STARD9: variants seen among roughly 807,000 people sequenced by gnomAD.
The protein encoded by STARD9 is StAR related lipid transfer domain containing 9.
A neutral mutation model predicts 399.8 loss-of-function variants in STARD9; 346 were observed. The ratio of observed to expected loss-of-function variants is 0.87; its 90% CI spans 0.79 to 0.95. STARD9 has a LOEUF of 0.95. Ranked by LOEUF, STARD9 falls within the 40% of genes least tolerant of loss-of-function variation. The pLI is 0.00. For missense variants in STARD9, 5,832 were observed against 5,667.5 expected, an observed-to-expected ratio of 1.03 and a Z score of -0.93; for synonymous variants, 2,203 against 2,143.5, an observed-to-expected ratio of 1.03 and a Z score of -0.77.
intron 3 of STARD9, among the ~76,000 whole-genome samples, chr15:42,608,913 A>T (rs1248982311): frequency 6.6e-6 from 1 of 152,222 alleles, no homozygotes; most frequent in Non-Finnish European, 1.5e-5. Context: ...TCCATAGATT[A>T]TGTATTCATG....
In STARD9 at chr15:42,688,901, C is replaced by T; in HGVS notation, c.7323C>T (p.Ser2441=). Residue 2441 remains serine, a synonymous_variant, in exon 23 of 33, where the codon AGC becomes AGT. Transcript: ENST00000290607. The part of the protein sequence containing the change: ...GTEDRISAST[S]PQDHGKDLRI... ...AGGACAGGATCTCAGCAAGCACCAGCCCCCAAGACCATGGAAAGGACCTCA... is the reference window on the plus strand; with the variant it reads ...AGGACAGGATCTCAGCAAGCACCAGTCCCCAAGACCATGGAAAGGACCTCA... 1.3e-6 allele frequency: 2 copies of T among 1,537,304 alleles called. No individual in the cohort carries two copies. The highest frequency in any genetic ancestry group is 4.9e-5 in the East Asian group (2 of 40,914).
chr15:42,603,074 A>G (rs185241161), intron 3 of STARD9, among the ~76,000 whole-genome samples: 2 of 152,264 alleles, frequency 1.3e-5, no homozygotes, highest in South Asian at 2.1e-4. Flanking sequence ...TTTCCAGGAT[A>G]AAGTTTGAGG....
At chr15:42,650,903 C>T (rs2059748628) in intron 7 of STARD9, 113 bp from the exon 8 acceptor site, 1 of 666,124 alleles carries the variant, frequency 1.5e-6, no homozygotes, top group African/African-American at 1.8e-5. Context: ...CAGATTCCCT[C>T]ATTTTTGTCT....
intron 3 of STARD9, among the ~76,000 whole-genome samples, chr15:42,607,687 A>AAT (rs972038797): frequency 1.3e-4 from 12 of 90,584 alleles, no homozygotes; most frequent in Non-Finnish European, 2.5e-4. Context: ...CACACACACA[A>AAT]ATATATATTT....
chr15:42,689,782 T>C lies in STARD9; in HGVS notation c.8204T>C (p.Val2735Ala). Residue 2735 changes from valine (V) to alanine (A), a missense_variant, in exon 23 of 33, where the codon GTA (valine) becomes GCA (alanine). Physicochemically the swap from Val to Ala is moderately conservative, Grantham distance 64. Around this residue, in one of 2 missense-constraint regions of STARD9, gnomAD observed 5,828 missense variants for 5,651.1 expected, o/e 1.03. Coordinates refer to ENST00000290607, the MANE Select transcript of STARD9 (RefSeq NM_020759.3). ...GCACCTGTGGAGGAGGTCAGGAGGGTAGTATCAAAGAAGGTAGTGGCTGCC... is the reference window on the plus strand; with the variant it reads ...GCACCTGTGGAGGAGGTCAGGAGGGCAGTATCAAAGAAGGTAGTGGCTGCC... ...SSAPVEEVRR[V>A]VSKKVVAALP... 6.5e-7 allele frequency: 1 copy of C among 1,537,184 alleles called. No homozygotes were observed. Among genetic ancestry groups the C allele is most frequent in the Non-Finnish European group, 8.7e-7 (1 of 1,146,912 alleles).
At position 42,674,868 on chromosome 15, in the gene STARD9, A is replaced by G; in HGVS notation, c.1591A>G (p.Thr531Ala). ...GATTGAGAGAGACCACTGCACTATC[A>G]CCAGTGCCTGTGGTGTAGTTGTTCT... Reference protein sequence around the residue: ...QWIERDHCTITSACGVVVLRP... With the variant: ...QWIERDHCTIASACGVVVLRP... Residue 531 changes from threonine to alanine, a missense_variant, in exon 18 of 33, where the codon ACC becomes GCC. By Grantham distance (58) the Thr-to-Ala change is moderately conservative (BLOSUM62 0). Around this residue, in one of 2 missense-constraint regions of STARD9, gnomAD observed 5,828 missense variants for 5,651.1 expected, o/e 1.03. Transcript: ENST00000290607. 1 of 1,536,862 alleles carries G rather than the reference A, an allele frequency of 6.5e-7. No individual in the cohort carries two copies. Among genetic ancestry groups the G allele is most frequent in the Admixed American group, 2.0e-5 (1 of 50,962 alleles).
In STARD9 at chr15:42,687,880, C is replaced by A; in HGVS notation, c.6302C>A (p.Pro2101Gln). The A allele has an allele frequency of 2.0e-6, 3 of 1,537,208 alleles. No homozygotes were observed. Among genetic ancestry groups the A allele is most frequent in the South Asian group, 1.2e-5 (1 of 84,066 alleles). Residue 2101 changes from proline to glutamine, a missense_variant, in exon 23 of 33, where the codon CCA becomes CAA. Physicochemically the swap from Pro to Gln is moderately conservative, Grantham distance 76. Transcript: ENST00000290607. ...GAGAAGACTGACCATGCCTTTAGGC[C>A]AGACAGCTCTGGAAACCCTTTGCCC... ...EQEKTDHAFRPDSSGNPLPSK... is the reference protein window; with the variant it reads ...EQEKTDHAFRQDSSGNPLPSK...
chr15:42,579,554 T>C (rs2058125591), intron 1 of STARD9, among the ~76,000 whole-genome samples: 1 of 150,782 alleles, frequency 6.6e-6, no homozygotes, highest in Non-Finnish European at 1.5e-5. Context: ...AATGGCCAGG[T>C]AGAGAAAAAG....
intron 3 of STARD9, among the ~76,000 whole-genome samples, chr15:42,587,349 A>T (rs1224762042): frequency 6.6e-6 from 1 of 152,208 alleles, no homozygotes; most frequent in Non-Finnish European, 1.5e-5. Flanking sequence ...ACACACAGAA[A>T]TAAGACCGTA....
At chr15:42,634,685 A>G (rs16956932) in intron 3 of STARD9, among the ~76,000 whole-genome samples, 171 bp from the exon 4 acceptor site, 5,779 of 152,246 alleles carry the variant, frequency 0.038, 357 homozygotes, top group African/African-American at 0.12. Flanking sequence ...GAATGAATGA[A>G]TTTTCCTTAG....
At chr15:42,602,538 C>T (rs780114943) in intron 3 of STARD9, among the ~76,000 whole-genome samples, 1 of 152,220 alleles carries the variant, frequency 6.6e-6, no homozygotes, top group African/African-American at 2.4e-5. Context: ...GGATCAGATA[C>T]AGAATCTCCT....
intron 26 of STARD9, among the ~76,000 whole-genome samples, chr15:42,702,482 A>G (rs2060989170): frequency 3.9e-5 from 6 of 152,178 alleles, no homozygotes; most frequent in Admixed American, 3.9e-4. Flanking sequence ...GATTACAGGC[A>G]TGAGCCACCG....
rs672150 is a variant in STARD9 at position 42,625,884 on chromosome 15, C to T, written c.235-8972C>T. Among the ~76,000 whole-genome samples the T allele has an allele frequency of 7.3e-4, 111 of 152,044 alleles. 2 individuals carry two copies. In the East Asian group the frequency reaches 0.011, roughly 16 times the overall value. ...AATGACCCCTAAGCCCTAACAAAACCTTCAAGACATGAAGAAAGAGTTATT... is the reference window on the plus strand; with the variant it reads ...AATGACCCCTAAGCCCTAACAAAACTTTCAAGACATGAAGAAAGAGTTATT... On this transcript the variant is annotated intron_variant, in intron 3 of 32. Coordinates refer to ENST00000290607, the MANE Select transcript of STARD9 (RefSeq NM_020759.3).
At position 42,691,489 on chromosome 15, in the gene STARD9, G is replaced by T. The variant is rs1357935509; in HGVS notation, c.9911G>T (p.Gly3304Val). The T allele has an allele frequency of 2.4e-5, 37 of 1,537,208 alleles. No individual in the cohort carries two copies. The highest frequency in any genetic ancestry group is 3.1e-5 in the Non-Finnish European group (36 of 1,146,886). ...GREQPAPNHR[G>V]SLPVTTIFSG... is the part of the protein sequence containing the mutation. ...GAGCAGCCAGCACCCAACCACAGGGGCTCACTTCCTGTGACTACAATCTTC... is the reference window on the plus strand; with the variant it reads ...GAGCAGCCAGCACCCAACCACAGGGTCTCACTTCCTGTGACTACAATCTTC... Residue 3304 changes from glycine to valine, a missense_variant, in exon 23 of 33, where the codon GGC becomes GTC. Gly to Val is a moderately radical substitution (Grantham distance 109). Transcript: ENST00000290607.
At chr15:42,700,641 C>A (rs1032701025) in intron 26 of STARD9, among the ~76,000 whole-genome samples, 1 of 151,978 alleles carries the variant, frequency 6.6e-6, no homozygotes, top group Non-Finnish European at 1.5e-5. Flanking sequence ...GGATTTTTTG[C>A]TATTATTTGA....
In STARD9 at chr15:42,682,383, T is replaced by C. The variant is rs1486772186; in HGVS notation, c.2345T>C (p.Leu782Pro). The stretch of plus-strand genomic sequence containing the variant: ...AGAATCATCAAAAAGCAGAGGCTGC[T>C]GGAGGCCCAGAAGAGACTGGAGAAG... ...LERIIKKQRL[L>P]EAQKRLEKLT... Residue 782 changes from leucine (L) to proline (P), a missense_variant, in exon 22 of 33, where the codon CTG becomes CCG. Coordinates refer to ENST00000290607, the MANE Select transcript of STARD9 (RefSeq NM_020759.3). The C allele has an allele frequency of 6.5e-7, 1 of 1,537,248 alleles. No individual in the cohort carries two copies. The highest frequency in any genetic ancestry group is 8.7e-7 in the Non-Finnish European group (1 of 1,146,906).
intron 3 of STARD9, among the ~76,000 whole-genome samples, chr15:42,586,185 C>A (rs1214631415): frequency 6.6e-6 from 1 of 152,206 alleles, no homozygotes; most frequent in African/African-American, 2.4e-5. Flanking sequence ...GATAGGTGAA[C>A]AGCCATGTGC....
At chr15:42,682,842 G>A (rs1012231873) in intron 22 of STARD9, among the ~76,000 whole-genome samples, 11 of 152,014 alleles carry the variant, frequency 7.2e-5, no homozygotes, top group Admixed American at 4.6e-4. Context: ...TAAGGATCTC[G>A]GCCTCACTTT....
At chr15:42,608,141 G>A (rs2058774513) in intron 3 of STARD9, among the ~76,000 whole-genome samples, 1 of 152,174 alleles carries the variant, frequency 6.6e-6, no homozygotes, top group Admixed American at 6.5e-5. Context: ...TGGTTGAAGT[G>A]ACTTGCTATG....
Sources: allele counts gnomAD v4.1 joint callset (sites outside exome capture counted in the v4.1 genomes callset), GRCh38; gene constraint gnomAD v4.1.1; regional missense constraint gnomAD v4.1.1; transcripts MANE v1.5; gene names NCBI Gene and HGNC (gene_info 2026-07-23, HGNC 2026-07-21).